Variants in MDH1 observed in about 807,000 individuals in gnomAD.
MDH1 encodes malate dehydrogenase 1.
MDH1 carries 15 observed loss-of-function variants against 38.7 expected under a neutral mutation model. The observed-to-expected ratio is 0.39, with a 90% CI of 0.26 to 0.60. MDH1 has a LOEUF of 0.60. MDH1 is among the 20% of genes least tolerant of loss of function. The probability of loss-of-function intolerance (pLI) is 0.56; values close to 1 mark genes in which losing one functional copy is unlikely to be tolerated. For missense variants in MDH1, 368 were observed against 405.2 expected, an observed-to-expected ratio of 0.91 and a Z score of 0.79; for synonymous variants, 144 against 143.6, an observed-to-expected ratio of 1.00 and a Z score of -0.02.
intron 3 of MDH1, among the ~76,000 whole-genome samples, chr2:63,596,069 G>C (rs962815059): frequency 6.6e-6 from 1 of 152,112 alleles, no homozygotes; most frequent in Non-Finnish European, 1.5e-5. Context: ...ACCCAGAAGA[G>C]CTCAGCTAAG....
intron 1 of MDH1, chr2:63,590,386 AATTTTT>A (rs1709165217): frequency 6.6e-6 from 1 of 152,080 alleles, no homozygotes. Context: ...AGTCTTTCTG[AATTTTT>A]ATTTTTATAG....
intron 5 of MDH1, among the ~76,000 whole-genome samples, chr2:63,601,664 C>A (rs1245729427): frequency 2.6e-5 from 4 of 152,088 alleles, no homozygotes; most frequent in African/African-American, 4.8e-5. Flanking sequence ...ACTGGATTAG[C>A]TCAAGAGATA....
intron 1 of MDH1, among the ~76,000 whole-genome samples, chr2:63,594,090 CTCT>C (rs1709256076): frequency 6.6e-6 from 1 of 152,164 alleles, no homozygotes; most frequent in Non-Finnish European, 1.5e-5. Context: ...GCCTCTTTCA[CTCT>C]TCTTCTTGGT....
At position 63,604,746 on chromosome 2, in the gene MDH1, C is replaced by A. The variant is rs781496999; in HGVS notation, c.549C>A (p.Ile183=). The A allele has an allele frequency of 5.6e-6, 9 of 1,614,094 alleles. No individual in the cohort carries two copies. The highest frequency in any genetic ancestry group is 7.6e-6 in the Non-Finnish European group (9 of 1,179,976). Residue 183 remains isoleucine (I), a synonymous_variant, in exon 6 of 9, where the codon ATC becomes ATA. Transcript: ENST00000233114. ...VTANDVKNVI[I]WGNHSSTQYP... is the part of the protein sequence containing the mutation. ...CTAATGATGTAAAGAATGTCATTAT[C>A]TGGGGAAACCATTCCTCGACTCAGT...
At chr2:63,602,586 A>G (rs893770575) in intron 5 of MDH1, among the ~76,000 whole-genome samples, 4 of 152,072 alleles carry the variant, frequency 2.6e-5, no homozygotes, top group East Asian at 1.9e-4. Context: ...GAATGATTCT[A>G]TGACATTTAA....
chr2:63,603,561 T>C (rs1709469677), intron 5 of MDH1, among the ~76,000 whole-genome samples: 1 of 152,140 alleles, frequency 6.6e-6, no homozygotes, highest in African/African-American at 2.4e-5. Flanking sequence ...AGGAACAAAT[T>C]ATACATATAC....
At chr2:63,594,175 C>CACTAGATCT (rs1709257732) in intron 1 of MDH1, 2 of 498,482 alleles carry the variant, frequency 4.0e-6, no homozygotes, top group Non-Finnish European at 7.9e-6. Flanking sequence ...TAGTGGCTGC[C>CACTAGATCT]AGGGTTTGGA....
chr2:63,597,330 C>G, intron 3 of MDH1, 69 bp from the exon 4 acceptor site: 2 of 1,306,816 alleles, frequency 1.5e-6, no homozygotes, highest in Non-Finnish European at 2.0e-6. Flanking sequence ...TGGGTAGATT[C>G]AATATGAAAA....
In MDH1 at chr2:63,589,477, A is replaced by C. The variant is rs897603534; in HGVS notation, c.3+431A>C. ...ACGGCTTTTGTCACAGGGACCTTGAAAGCAAAAAGCTGGAAAGGTAGTATT... is the reference window on the plus strand; with the variant it reads ...ACGGCTTTTGTCACAGGGACCTTGACAGCAAAAAGCTGGAAAGGTAGTATT... On this transcript the variant is annotated intron_variant, in intron 1 of 8. Coordinates refer to ENST00000233114, the MANE Select transcript of MDH1 (RefSeq NM_005917.4). 3.2e-6 allele frequency: 4 copies of C among 1,267,808 alleles called. No homozygotes were observed. The African/African-American group carries it at 5.9e-5, about 19-fold the overall frequency. 78.5% of individuals were successfully genotyped at this position (1,267,808 alleles called of 1,614,324 possible). A position where few individuals can be genotyped will look rare whatever the true frequency, so the allele number is the denominator to read the frequency against.
intron 3 of MDH1, 72 bp downstream of exon 3, chr2:63,595,591 T>G (rs1709295507): frequency 2.2e-6 from 2 of 907,604 alleles, no homozygotes; most frequent in East Asian, 2.5e-5. Flanking sequence ...AGGTTTTTGT[T>G]AAAGGCTCTC....
intron 1 of MDH1, chr2:63,593,397 C>A (rs1314799065): frequency 5.5e-6 from 2 of 364,822 alleles, no homozygotes; most frequent in Non-Finnish European, 1.1e-5. Flanking sequence ...CCTGGCCTGA[C>A]ACTTCTTTTT....
At chr2:63,601,113 T>A (rs577716384) in intron 5 of MDH1, among the ~76,000 whole-genome samples, 1 of 152,318 alleles carries the variant, frequency 6.6e-6, no homozygotes, top group South Asian at 2.1e-4. Context: ...TAACCTTCAC[T>A]TGGGGACATG....
intron 1 of MDH1, among the ~76,000 whole-genome samples, chr2:63,591,775 A>G (rs1411047916): frequency 6.6e-6 from 1 of 152,168 alleles, no homozygotes; most frequent in African/African-American, 2.4e-5. Context: ...TAAATAGAAA[A>G]CCACAGGCTA....
At chr2:63,593,758 T>A (rs1173858945) in intron 1 of MDH1, 3 of 453,834 alleles carry the variant, frequency 6.6e-6, no homozygotes, top group Non-Finnish European at 1.4e-5. Context: ...TGTTTTGTTC[T>A]TTTTAATAGA....
rs756849053 is a variant in MDH1 at position 63,606,911 on chromosome 2, G to A, written c.929G>A (p.Arg310His). ...GGTCTCCCTATTAATGATTTCTCAC[G>A]TGAGAAGATGGATCTTACTGCAAAG... ...VEGLPINDFS[R>H]EKMDLTAKEL... is the part of the protein sequence containing the mutation. Residue 310 changes from arginine to histidine, a missense_variant, in exon 9 of 9, where the codon CGT becomes CAT. Physicochemically the swap from Arg to His is conservative, Grantham distance 29. Transcript: ENST00000233114. 3.1e-6 allele frequency: 5 copies of A among 1,612,242 alleles called. No homozygotes were observed. The highest frequency in any genetic ancestry group is 1.1e-5 in the South Asian group (1 of 90,970).
chr2:63,602,414 T>C (rs909582296), intron 5 of MDH1, among the ~76,000 whole-genome samples: 1 of 139,786 alleles, frequency 7.2e-6, no homozygotes, highest in Non-Finnish European at 1.5e-5. Context: ...CGCAAAAAAA[T>C]AGTACAGAGA....
At chr2:63,603,186 G>A (rs902707335) in intron 5 of MDH1, among the ~76,000 whole-genome samples, 1 of 151,894 alleles carries the variant, frequency 6.6e-6, no homozygotes, top group East Asian at 1.9e-4. Flanking sequence ...TCTCCATCTC[G>A]ACCTCCTGAT....
chr2:63,590,346 A>G (rs1709163829), intron 1 of MDH1: 1 of 151,892 alleles, frequency 6.6e-6, no homozygotes, highest in African/African-American at 2.4e-5. Context: ...CACTCTTGCC[A>G]TTTTTCTATA....
intron 5 of MDH1, among the ~76,000 whole-genome samples, chr2:63,601,466 AGAAAATTAC>A (rs1709417149): frequency 6.6e-6 from 1 of 152,252 alleles, no homozygotes; most frequent in African/African-American, 2.4e-5. Flanking sequence ...TTAGCTTGTA[AGAAAATTAC>A]TAGGGCTGGA....
Sources: allele counts gnomAD v4.1 joint callset (sites outside exome capture counted in the v4.1 genomes callset), GRCh38; gene constraint gnomAD v4.1.1; transcripts MANE v1.5; gene names NCBI Gene and HGNC (gene_info 2026-07-23, HGNC 2026-07-21).